HECTD4: variants seen among roughly 807,000 people sequenced by gnomAD.
HECTD4 encodes the protein HECT domain E3 ubiquitin protein ligase 4.
Under a neutral mutation model 471.5 loss-of-function variants are expected in HECTD4, and 114 were observed. The observed-to-expected ratio is 0.24, with a 90% CI of 0.21 to 0.28. HECTD4 has a LOEUF of 0.28. Ranked by LOEUF, HECTD4 falls within the 10% of genes least tolerant of loss-of-function variation. HECTD4 has a pLI of 1.00. For synonymous variants in HECTD4, 2,012 were observed against 2,256.0 expected (o/e 0.89, Z 3.07); for missense variants, 3,866 against 5,651.5 (o/e 0.68, Z 10.13).
chr12:112,169,784 CCT>C lies in HECTD4; in HGVS notation c.12053-128_12053-127del, dbSNP rs768205231. ...GGACCCCTGCTCCCTCGCTCGGCCC[CCT>C]GTGCCTTCTCTGCCCTCAGAACACC... On this transcript the variant is annotated intron_variant, in intron 69 of 75. Transcript: ENST00000682272. The C allele has an allele frequency of 7.4e-6, 8 of 1,088,106 alleles. No individual in the cohort carries two copies. In the East Asian group the frequency reaches 2.0e-4, roughly 27 times the overall value. 67.4% of individuals were successfully genotyped at this position (1,088,106 alleles called of 1,614,324 possible). A position where few individuals can be genotyped will look rare whatever the true frequency, so the allele number is the denominator to read the frequency against.
intron 1 of HECTD4, among the ~76,000 whole-genome samples, chr12:112,360,246 G>A (rs2036424811): frequency 6.6e-6 from 1 of 152,190 alleles, no homozygotes; most frequent in Non-Finnish European, 1.5e-5. Flanking sequence ...TTGAGGCCAG[G>A]AGTCTGGGGC....
intron 1 of HECTD4, among the ~76,000 whole-genome samples, chr12:112,380,919 T>A (rs1178984579): frequency 6.6e-6 from 1 of 151,994 alleles, no homozygotes; most frequent in Non-Finnish European, 1.5e-5. Context: ...ACACAAAAGA[T>A]CCCTCGCATG....
Position 112,163,414 on chromosome 12 carries a change from T to C in HECTD4, c.12897+128A>G. ...AGGGAGATGACAATGATGACAATGATACAGGTCTGTGGCAAGGACAGAGCT... is the reference window on the plus strand; with the variant it reads ...AGGGAGATGACAATGATGACAATGACACAGGTCTGTGGCAAGGACAGAGCT... On this transcript the variant is annotated intron_variant, in intron 74 of 75. Coordinates refer to ENST00000682272, the MANE Select transcript of HECTD4 (RefSeq NM_001388303.1). This position sits in a 1 kb window ranked among gnomAD's most constrained non-coding sequence, Gnocchi z 8.2. The C allele has an allele frequency of 1.9e-6, 2 of 1,028,206 alleles. No individual in the cohort carries two copies. Among genetic ancestry groups the C allele is most frequent in the Non-Finnish European group, 2.8e-6 (2 of 711,468 alleles). 63.7% of individuals were successfully genotyped at this position (1,028,206 alleles called of 1,614,324 possible). A position where few individuals can be genotyped will look rare whatever the true frequency, so the allele number is the denominator to read the frequency against.
chr12:112,363,079 T>C (rs1399363567), intron 1 of HECTD4, among the ~76,000 whole-genome samples: 1 of 152,208 alleles, frequency 6.6e-6, no homozygotes, highest in Non-Finnish European at 1.5e-5. Flanking sequence ...TTAAGCATTT[T>C]GTAATGTTTT....
chr12:112,247,859 CTAA>C (rs1429140064), intron 27 of HECTD4, among the ~76,000 whole-genome samples: 1 of 151,956 alleles, frequency 6.6e-6, no homozygotes, highest in Non-Finnish European at 1.5e-5. Context: ...AAAAAACAAC[CTAA>C]TGAGTAATTA....
At chr12:112,323,534 G>T (rs971382337) in intron 1 of HECTD4, among the ~76,000 whole-genome samples, 1 of 151,698 alleles carries the variant, frequency 6.6e-6, no homozygotes, top group East Asian at 1.9e-4. Flanking sequence ...ATGGCATTTT[G>T]TTGAGAGAAG....
At chr12:112,220,339 G>T (rs1393313125) in intron 44 of HECTD4, among the ~76,000 whole-genome samples, 1 of 152,022 alleles carries the variant, frequency 6.6e-6, no homozygotes, top group Non-Finnish European at 1.5e-5. Flanking sequence ...AAAATAAGAT[G>T]CGCACACACG....
chr12:112,266,889 G>A (rs1203967113), intron 14 of HECTD4, 23 bp downstream of exon 14: 1 of 1,229,106 alleles, frequency 8.1e-7, no homozygotes, highest in African/African-American at 1.5e-5. Flanking sequence ...GCTGTTCAAA[G>A]ATAATTAAAG....
At chr12:112,261,479 C>T (rs368842209) in intron 17 of HECTD4, 50 bp from the exon 18 acceptor site, 59 of 1,503,756 alleles carry the variant, frequency 3.9e-5, no homozygotes, top group African/African-American at 9.6e-5. Context: ...GATGAACATA[C>T]GTTCACAATG....
At chr12:112,203,346 G>T in intron 54 of HECTD4, 1 of 263,508 alleles carries the variant, frequency 3.8e-6, no homozygotes, top group Non-Finnish European at 7.2e-6. Flanking sequence ...ATATAATGCA[G>T]GAACAGTTTG....
chr12:112,181,316 G>A (rs983708097), intron 62 of HECTD4, among the ~76,000 whole-genome samples: 1 of 152,016 alleles, frequency 6.6e-6, no homozygotes, highest in African/African-American at 2.4e-5. Flanking sequence ...TGCTGATCAT[G>A]GATACTTTAA....
chr12:112,382,064 G>A lies in HECTD4; in HGVS notation c.65C>T (p.Ser22Leu), dbSNP rs2036905893. The A allele has an allele frequency of 8.2e-7, 1 of 1,226,600 alleles. No individual in the cohort carries two copies. The highest frequency in any genetic ancestry group is 4.1e-5 in the South Asian group (1 of 24,326). The allele number at this position is 1,226,600 out of a possible 1,614,324, so 76.0% of individuals were successfully genotyped here. The change falls in exon 1 of 76, where the codon TCG becomes TTG. Residue 22 changes from serine to leucine, a missense_variant. Around this residue, in one of 16 missense-constraint regions of HECTD4, gnomAD observed 440 missense variants for 636.0 expected, o/e 0.69. Coordinates refer to ENST00000682272, the MANE Select transcript of HECTD4 (RefSeq NM_001388303.1). The stretch of plus-strand genomic sequence containing the variant: ...CAGGAAGATGGTCTCTTCCTTCACC[G>A]AGAGCCACTGCGCCGAGTCAGCGGC... ...AAAADSAQWL[S>L]VKEETIFLHD...
At chr12:112,281,816 A>G (rs2034646799) in intron 8 of HECTD4, among the ~76,000 whole-genome samples, 1 of 152,226 alleles carries the variant, frequency 6.6e-6, no homozygotes, top group South Asian at 2.1e-4. Context: ...CATTAAATGC[A>G]TATTAATTCA....
chr12:112,287,859 A>G (rs2034789587), intron 7 of HECTD4, among the ~76,000 whole-genome samples: 2 of 152,230 alleles, frequency 1.3e-5, no homozygotes, highest in South Asian at 4.1e-4. Flanking sequence ...GCTATTTTGT[A>G]GTCTTAAAGA....
At position 112,176,551 on chromosome 12, in the gene HECTD4, T is replaced by A. The variant is rs777250350; in HGVS notation, c.11470+45A>T. 4.4e-6 allele frequency: 6 copies of A among 1,361,172 alleles called. No individual in the cohort carries two copies. The South Asian group carries it at 7.0e-5, about 16-fold the overall frequency. The allele number at this position is 1,361,172 out of a possible 1,614,324, so 84.3% of individuals were successfully genotyped here. The stretch of plus-strand genomic sequence containing the variant: ...CTCGGGGGGTGCCTAGTCTCCAGGA[T>A]GGAAGTAGGTCCCAGCCCACTCCAG... On this transcript the variant is annotated intron_variant, in intron 65 of 75. Transcript: ENST00000682272.
intron 1 of HECTD4, among the ~76,000 whole-genome samples, chr12:112,344,417 G>A (rs943728795): frequency 6.6e-6 from 1 of 152,052 alleles, no homozygotes; most frequent in Non-Finnish European, 1.5e-5. Flanking sequence ...CTGGTAAACC[G>A]CCACACTATA....
intron 8 of HECTD4, among the ~76,000 whole-genome samples, chr12:112,279,980 A>G (rs1360557777): frequency 2.0e-5 from 3 of 152,218 alleles, no homozygotes; most frequent in African/African-American, 7.2e-5. Flanking sequence ...TAGGCACTCA[A>G]AAAGTTTCAG....
chr12:112,295,814 T>TA (rs2034997314), intron 7 of HECTD4, among the ~76,000 whole-genome samples: 1 of 146,072 alleles, frequency 6.8e-6, no homozygotes, highest in African/African-American at 2.6e-5. Context: ...AAAAAAAATA[T>TA]ATATATATAT....
chr12:112,368,619 C>T (rs969956297), intron 1 of HECTD4, among the ~76,000 whole-genome samples: 2 of 152,054 alleles, frequency 1.3e-5, no homozygotes, highest in African/African-American at 4.8e-5. Flanking sequence ...AGTAAGTAAT[C>T]ACAGGATCCA....
Sources: gnomAD v4.1 joint callset for allele counts (sites outside exome capture counted in the v4.1 genomes callset) on GRCh38, gnomAD v4.1.1 for gene constraint, gnomAD v4.1.1 regional missense constraint, Gnocchi (gnomAD v3.1) non-coding constraint, MANE v1.5 for transcripts, NCBI Gene and HGNC (gene_info 2026-07-23, HGNC 2026-07-21) for gene names.